The following SAMMSON variants were observed in gnomAD, a reference collection of about 807,000 sequenced individuals.
SAMMSON encodes the protein survival associated mitochondrial melanoma specific oncogenic non-coding RNA.
chr3:70,350,957 A>G (rs1702790595), intron 7 of SAMMSON, among the ~76,000 whole-genome samples: 2 of 152,200 alleles, frequency 1.3e-5, no homozygotes. Context: ...ACTCCTAAAT[A>G]TGAAATGAGC....
At chr3:70,198,578 T>C (rs576137229) in intron 4 of SAMMSON, among the ~76,000 whole-genome samples, 2 of 152,284 alleles carry the variant, frequency 1.3e-5, no homozygotes, top group Admixed American at 1.3e-4. Flanking sequence ...GAAATCTTTC[T>C]TCTTTCCTCT....
intron 4 of SAMMSON, among the ~76,000 whole-genome samples, chr3:70,142,270 G>A (rs529924859): frequency 2.0e-4 from 30 of 152,192 alleles, no homozygotes; most frequent in Non-Finnish European, 4.0e-4. Context: ...GCGAAAACAT[G>A]GAACCAACCC....
intron 2 of SAMMSON, among the ~76,000 whole-genome samples, chr3:70,414,968 G>C (rs1438083735): frequency 6.6e-6 from 1 of 152,080 alleles, no homozygotes; most frequent in Non-Finnish European, 1.5e-5. Flanking sequence ...CTTTATAGCA[G>C]AGGAGAAGAG....
chr3:70,332,196 C>A (rs575878520), intron 7 of SAMMSON, among the ~76,000 whole-genome samples: 5 of 152,250 alleles, frequency 3.3e-5, no homozygotes, highest in African/African-American at 1.2e-4. Context: ...AAAAGAGAAA[C>A]AAATATGTTT....
intron 4 of SAMMSON, among the ~76,000 whole-genome samples, chr3:70,164,332 C>G (rs2067628167): frequency 6.6e-6 from 1 of 151,902 alleles, no homozygotes; most frequent in African/African-American, 2.4e-5. Flanking sequence ...GTATAGAACC[C>G]CTAGCACAAT....
At chr3:70,246,493 C>T (rs1343193876) in intron 4 of SAMMSON, among the ~76,000 whole-genome samples, 1 of 152,004 alleles carries the variant, frequency 6.6e-6, no homozygotes, top group Non-Finnish European at 1.5e-5. Flanking sequence ...CATCACTATA[C>T]ATAGGGCTAT....
intron 6 of SAMMSON, among the ~76,000 whole-genome samples, chr3:70,260,323 C>T (rs1006652145): frequency 2.6e-5 from 4 of 152,100 alleles, no homozygotes; most frequent in Admixed American, 2.6e-4. Context: ...ATAAGGATGC[C>T]AGTCATATTG....
intron 4 of SAMMSON, among the ~76,000 whole-genome samples, chr3:70,111,737 A>G (rs1210028145): frequency 6.6e-6 from 1 of 152,198 alleles, no homozygotes; most frequent in Non-Finnish European, 1.5e-5. Context: ...AGAACTGGCA[A>G]TTTTGGTTCC....
At chr3:70,063,882 A>G (rs542863738) in intron 3 of SAMMSON, among the ~76,000 whole-genome samples, 1 of 152,166 alleles carries the variant, frequency 6.6e-6, no homozygotes, top group Non-Finnish European at 1.5e-5. Context: ...TATCTTAAGT[A>G]TCATTAGCAT....
intron 9 of SAMMSON, among the ~76,000 whole-genome samples, chr3:70,385,028 C>T (rs1004524022): frequency 1.3e-5 from 2 of 151,994 alleles, no homozygotes; most frequent in African/African-American, 4.8e-5. Context: ...ATCTAGGCAA[C>T]AGGGGAATTA....
At chr3:70,038,505 C>A (rs959372778) in intron 3 of SAMMSON, among the ~76,000 whole-genome samples, 1 of 152,018 alleles carries the variant, frequency 6.6e-6, no homozygotes, top group Non-Finnish European at 1.5e-5. Flanking sequence ...TATAAACTAC[C>A]CAGTCTCAGG....
chr3:70,406,887 T>C (rs576131491), intron 2 of SAMMSON, among the ~76,000 whole-genome samples: 3 of 152,234 alleles, frequency 2.0e-5, no homozygotes, highest in African/African-American at 4.8e-5. Flanking sequence ...TAAATAATCA[T>C]ATGTATTAGT....
At chr3:70,285,329 T>G (rs562812159) in intron 6 of SAMMSON, among the ~76,000 whole-genome samples, 1 of 151,592 alleles carries the variant, frequency 6.6e-6, no homozygotes, top group Non-Finnish European at 1.5e-5. Flanking sequence ...GTTCTTGCGA[T>G]AGTTTACTGA....
chr3:70,320,422 G>C (rs1319616243), intron 7 of SAMMSON, among the ~76,000 whole-genome samples: 1 of 152,012 alleles, frequency 6.6e-6, no homozygotes, highest in African/African-American at 2.4e-5. Flanking sequence ...TTGCAAGTTT[G>C]TTTTCTACCA....
intron 4 of SAMMSON, among the ~76,000 whole-genome samples, chr3:70,190,516 C>T (rs576074572): frequency 1.3e-5 from 2 of 152,310 alleles, no homozygotes; most frequent in East Asian, 3.9e-4. Flanking sequence ...TAGCCTCCTA[C>T]CTGGCCACCT....
intron 7 of SAMMSON, among the ~76,000 whole-genome samples, chr3:70,346,642 G>A (rs1235960171): frequency 6.6e-6 from 1 of 152,052 alleles, no homozygotes; most frequent in African/African-American, 2.4e-5. Flanking sequence ...AAAGCTTAGG[G>A]AAGATGTTCT....
intron 7 of SAMMSON, among the ~76,000 whole-genome samples, chr3:70,299,650 T>C (rs1444898389): frequency 6.6e-6 from 1 of 152,130 alleles, no homozygotes; most frequent in African/African-American, 2.4e-5. Flanking sequence ...AATTCGGAAT[T>C]CATGCCTTCT....
chr3:70,273,121 T>A (rs1247661429), intron 6 of SAMMSON, among the ~76,000 whole-genome samples: 1 of 152,186 alleles, frequency 6.6e-6, no homozygotes, highest in Non-Finnish European at 1.5e-5. Context: ...ACAAGGAAGA[T>A]GAATACAATC....
rs551382850 is a variant in SAMMSON at position 70,286,374 on chromosome 3, T to C, written n.675-4805T>C. ...GTCAAAGATCAGATAGTTGTAGATA[T>C]GTGGCATTATTTCTGAGGGCTCTGT... On this transcript the variant is annotated intron_variant and non_coding_transcript_variant, in intron 6 of 9. Transcript: ENST00000642114. Among the ~76,000 whole-genome samples, 424 of 152,260 alleles carry C rather than the reference T, an allele frequency of 2.8e-3. 3 individuals are homozygous for C. The highest frequency in any genetic ancestry group is 9.3e-3 in the African/African-American group (388 of 41,540).
Sources: gnomAD v4.1 joint callset for allele counts (sites outside exome capture counted in the v4.1 genomes callset) on GRCh38, gnomAD v4.1.1 for gene constraint, MANE v1.5 for transcripts, NCBI Gene and HGNC (gene_info 2026-07-23, HGNC 2026-07-21) for gene names.